Variants in OLA1 observed in about 807,000 individuals in gnomAD.
OLA1 encodes obg-like ATPase 1.
A neutral mutation model predicts 48.4 loss-of-function variants in OLA1; 14 were observed. That is an observed-to-expected ratio of 0.29 (90% CI 0.19 to 0.45). OLA1 has a LOEUF of 0.45. Among genes scored for constraint, OLA1 ranks in the 20% least tolerant of loss-of-function variants. OLA1 has a pLI of 1.00. For missense variants in OLA1, 325 were observed against 467.1 expected (o/e 0.70, Z 2.80); for synonymous variants, 127 against 150.4 (o/e 0.84, Z 1.14).
intron 4 of OLA1, among the ~76,000 whole-genome samples, chr2:174,196,881 A>T (rs1195582508): frequency 1.3e-5 from 2 of 152,258 alleles, no homozygotes; most frequent in Non-Finnish European, 2.9e-5. Context: ...AACCTAAAAA[A>T]GAAGCTGAAT....
rs1424153636 is a variant in OLA1 at position 174,081,913 on chromosome 2, T to C, written c.869+11A>G. 1 of 1,610,372 alleles carries C rather than the reference T, an allele frequency of 6.2e-7. No individual in the cohort carries two copies. Among genetic ancestry groups the C allele is most frequent in the Admixed American group, 1.7e-5 (1 of 59,976 alleles). ...GATAATAAAGTGTAGGGAAAATGAA[T>C]GCTAATTAACCTTTGTGTCATGTTC... On this transcript the variant is annotated intron_variant, in intron 8 of 10. Coordinates refer to ENST00000284719, the MANE Select transcript of OLA1 (RefSeq NM_013341.5).
At chr2:174,131,652 G>C (rs893404312) in intron 5 of OLA1, among the ~76,000 whole-genome samples, 2 of 152,090 alleles carry the variant, frequency 1.3e-5, no homozygotes, top group Non-Finnish European at 2.9e-5. Context: ...TTTATGGCAA[G>C]TGTATGGTAT....
At chr2:174,085,629 G>T (rs924342562) in intron 7 of OLA1, among the ~76,000 whole-genome samples, 3 of 152,140 alleles carry the variant, frequency 2.0e-5, no homozygotes, top group Non-Finnish European at 4.4e-5. Flanking sequence ...ATTTCCAAAA[G>T]ATCATGTCTC....
intron 4 of OLA1, among the ~76,000 whole-genome samples, chr2:174,214,397 T>C (rs12328930): frequency 0.39 from 59,761 of 152,068 alleles, 11,884 homozygotes; most frequent in Middle Eastern, 0.43. Context: ...ATTATTATAA[T>C]TGTAAGTTGC....
At chr2:174,126,948 A>G (rs763789071) in intron 5 of OLA1, among the ~76,000 whole-genome samples, 7 of 152,192 alleles carry the variant, frequency 4.6e-5, no homozygotes, top group Non-Finnish European at 7.4e-5. Flanking sequence ...CAGGCTTCTA[A>G]TCTTAACATT....
At chr2:174,229,632 G>C (rs1239291958) in intron 2 of OLA1, among the ~76,000 whole-genome samples, 181 bp from the exon 3 acceptor site, 1 of 152,230 alleles carries the variant, frequency 6.6e-6, no homozygotes, top group Non-Finnish European at 1.5e-5. Flanking sequence ...CAACAGTAAA[G>C]CGGCAGCTCA....
At chr2:174,078,369 A>G (rs573288132) in intron 10 of OLA1, among the ~76,000 whole-genome samples, 21 of 152,098 alleles carry the variant, frequency 1.4e-4, no homozygotes, top group Admixed American at 1.3e-3. Flanking sequence ...ATTTTGCAAC[A>G]GAATTTACAT....
chr2:174,204,445 T>G (rs74590219), intron 4 of OLA1, among the ~76,000 whole-genome samples: 3,567 of 152,216 alleles, frequency 0.023, 66 homozygotes, highest in Non-Finnish European at 0.031. Flanking sequence ...GAAATCAACA[T>G]GGTATTGTAT....
At chr2:174,199,461 G>A (rs1687945774) in intron 4 of OLA1, among the ~76,000 whole-genome samples, 1 of 152,148 alleles carries the variant, frequency 6.6e-6, no homozygotes, top group Admixed American at 6.5e-5. Context: ...GGGTTGGGAG[G>A]TGGCAGGATT....
intron 5 of OLA1, among the ~76,000 whole-genome samples, chr2:174,125,812 A>G (rs899448759): frequency 6.6e-6 from 1 of 152,240 alleles, no homozygotes; most frequent in Non-Finnish European, 1.5e-5. Flanking sequence ...TTTTAATTAA[A>G]TAGAATTCAC....
chr2:174,235,525 G>A (rs1250932252), intron 2 of OLA1, among the ~76,000 whole-genome samples: 1 of 152,168 alleles, frequency 6.6e-6, no homozygotes, highest in Non-Finnish European at 1.5e-5. Context: ...TCACAGGACT[G>A]TGTTCCCTGA....
At chr2:174,196,498 C>T (rs537664638) in intron 4 of OLA1, among the ~76,000 whole-genome samples, 1 of 152,104 alleles carries the variant, frequency 6.6e-6, no homozygotes, top group Non-Finnish European at 1.5e-5. Flanking sequence ...AATAGCTGCA[C>T]ACATTAAGTA....
chr2:174,163,610 A>G (rs1687064416), intron 4 of OLA1, among the ~76,000 whole-genome samples: 1 of 150,232 alleles, frequency 6.7e-6, no homozygotes. Flanking sequence ...GAATTGCTTG[A>G]ACCCGGGAGG....
In OLA1 at chr2:174,141,776, A is replaced by G. The variant is rs745643319; in HGVS notation, c.549+49T>C. 5.5e-5 allele frequency: 78 copies of G among 1,417,628 alleles called. 1 individual carries two copies. In the South Asian group the frequency reaches 9.7e-4, roughly 18 times the overall value. The allele number at this position is 1,417,628 out of a possible 1,614,324, so 87.8% of individuals were successfully genotyped here. A position where few individuals can be genotyped will look rare whatever the true frequency, so the allele number is the denominator to read the frequency against. ...ATGCATTATTTAAAAAATTTAATCA[A>G]GAAAAATAAACTCTTGAGTATCTAA... On this transcript the variant is annotated intron_variant, in intron 5 of 10. Transcript: ENST00000284719.
chr2:174,125,272 AC>A (rs1558965546), intron 5 of OLA1, among the ~76,000 whole-genome samples: 1 of 152,198 alleles, frequency 6.6e-6, no homozygotes, highest in Non-Finnish European at 1.5e-5. Flanking sequence ...CACACTGGCC[AC>A]CTGCAAATTC....
intron 3 of OLA1, among the ~76,000 whole-genome samples, chr2:174,226,945 C>T (rs1008282366): frequency 8.6e-5 from 13 of 152,000 alleles, no homozygotes; most frequent in African/African-American, 2.2e-4. Context: ...TAAAAATTAG[C>T]CAGGCACAGT....
chr2:174,100,322 AGATGAC>A (rs1229217748), intron 7 of OLA1, among the ~76,000 whole-genome samples: 3 of 152,200 alleles, frequency 2.0e-5, no homozygotes, highest in Non-Finnish European at 4.4e-5. Context: ...GTCTTCACAG[AGATGAC>A]CAAGTCTGCT....
intron 7 of OLA1, among the ~76,000 whole-genome samples, chr2:174,107,931 A>T (rs758969399): frequency 1.3e-5 from 2 of 152,086 alleles, no homozygotes; most frequent in Non-Finnish European, 2.9e-5. Flanking sequence ...AGAAAGATAG[A>T]GGGGCTTAAA....
At chr2:174,217,651 C>T (rs1688392810) in intron 4 of OLA1, among the ~76,000 whole-genome samples, 1 of 152,100 alleles carries the variant, frequency 6.6e-6, no homozygotes, top group Non-Finnish European at 1.5e-5. Flanking sequence ...GCATATCCAC[C>T]ACCCCCAAGA....
Sources: allele counts gnomAD v4.1 joint callset (sites outside exome capture counted in the v4.1 genomes callset), GRCh38; gene constraint gnomAD v4.1.1; transcripts MANE v1.5; gene names NCBI Gene and HGNC (gene_info 2026-07-23, HGNC 2026-07-21).